The following TULP1 variants were observed in gnomAD, a reference collection of about 807,000 sequenced individuals.
The protein encoded by TULP1 is tubby-related protein 1.
A neutral mutation model predicts 67.1 loss-of-function variants in TULP1; 50 were observed. The ratio of observed to expected loss-of-function variants is 0.75; its 90% CI spans 0.59 to 0.94. The LOEUF (loss-of-function observed/expected upper bound fraction) is 0.94, where lower values mean the gene tolerates loss of function less well. Ranked by LOEUF, TULP1 falls within the 40% of genes least tolerant of loss-of-function variation. The pLI is 0.00. For missense variants in TULP1, 746 were observed against 734.1 expected, an observed-to-expected ratio of 1.02 and a Z score of -0.19; for synonymous variants, 297 against 294.0, an observed-to-expected ratio of 1.01 and a Z score of -0.11.
chr6:35,500,046 A>G lies in TULP1; in HGVS notation c.1430T>C (p.Leu477Pro), dbSNP rs1768799166. 6.2e-7 allele frequency: 1 copy of G among 1,613,970 alleles called. No individual in the cohort carries two copies. Among genetic ancestry groups the G allele is most frequent in the Admixed American group, 1.7e-5 (1 of 59,998 alleles). ...VWNDDSGSYTLNFQGRVTQAS... is the reference protein window; with the variant it reads ...VWNDDSGSYTPNFQGRVTQAS... Reference sequence around the variant, plus strand: ...CTGGGTGACCCGGCCTTGGAAGTTGAGGGTGTAGGAGCCACTGTCATCGTT... The same window carrying G: ...CTGGGTGACCCGGCCTTGGAAGTTGGGGGTGTAGGAGCCACTGTCATCGTT... The change falls in exon 14 of 15, where the codon CTC becomes CCC. Residue 477 changes from leucine (L) to proline (P), a missense_variant. By Grantham distance (98) the Leu-to-Pro change is moderately conservative. This residue lies in a region of TULP1 where 383 missense variants were observed against 374.1 expected (regional missense o/e 1.02). Coordinates refer to ENST00000229771, the MANE Select transcript of TULP1 (RefSeq NM_003322.6).
At chr6:35,506,825 A>G (rs1761097819) in intron 8 of TULP1, among the ~76,000 whole-genome samples, 1 of 152,188 alleles carries the variant, frequency 6.6e-6, no homozygotes, top group South Asian at 2.1e-4. Flanking sequence ...CAGAGCCTTT[A>G]GAAAGACCTT....
intron 11 of TULP1, chr6:35,505,516 G>C (rs1231251770): frequency 1.5e-6 from 2 of 1,311,920 alleles, no homozygotes; most frequent in Admixed American, 4.1e-5. Flanking sequence ...GCATCGCCTG[G>C]GTGCTCATTA....
Position 35,505,770 on chromosome 6 carries a change from T to G in TULP1, c.1083A>C (p.Arg361=). The change falls in exon 11 of 15, where the codon CGA becomes CGC. Residue 361 remains arginine, a synonymous_variant. Transcript: ENST00000229771. ...GCTTCCCGATGAAATTCTCCCCTCC[T>G]CGGGACAGATTGGTAGGGTCGATGG... ...LISIDPTNLS[R]GGENFIGKLR... The G allele has an allele frequency of 6.2e-7, 1 of 1,614,064 alleles. No homozygotes were observed. The highest frequency in any genetic ancestry group is 8.5e-7 in the Non-Finnish European group (1 of 1,180,024).
At chr6:35,506,228 G>A (rs1460396695) in intron 9 of TULP1, 46 bp downstream of exon 9, 3 of 1,608,700 alleles carry the variant, frequency 1.9e-6, no homozygotes, top group Non-Finnish European at 2.5e-6. Flanking sequence ...CCCGCTCCCA[G>A]CAGGTCCCAG....
intron 5 of TULP1, among the ~76,000 whole-genome samples, chr6:35,510,504 T>A (rs1212580161): frequency 6.6e-6 from 1 of 152,218 alleles, no homozygotes; most frequent in Non-Finnish European, 1.5e-5. Flanking sequence ...ATCACAGCAT[T>A]GATTCATTGA....
chr6:35,502,234 C>T lies in TULP1; in HGVS notation c.1323+1325G>A, dbSNP rs141121972. Reference sequence around the variant, plus strand: ...TTTGAGATGGAGTCTAGCTCTGTCACCCAGGCTGGAGTGCAGCAGCGTGAT... The same window carrying T: ...TTTGAGATGGAGTCTAGCTCTGTCATCCAGGCTGGAGTGCAGCAGCGTGAT... On this transcript the variant is annotated intron_variant, in intron 13 of 14. Transcript: ENST00000229771. Among the ~76,000 whole-genome samples the T allele has an allele frequency of 7.3e-3, 1,114 of 152,120 alleles. 13 individuals are homozygous for T. Among genetic ancestry groups the T allele is most frequent in the African/African-American group, 0.025 (1,048 of 41,486 alleles).
At chr6:35,499,403 T>G (rs1768780251) in intron 14 of TULP1, among the ~76,000 whole-genome samples, 1 of 152,224 alleles carries the variant, frequency 6.6e-6, no homozygotes, top group African/African-American at 2.4e-5. Flanking sequence ...GGCAAGTTGC[T>G]TAACCTCTCT....
chr6:35,506,091 G>A lies in TULP1; in HGVS notation c.911C>T (p.Thr304Met), dbSNP rs1171311001. Residue 304 changes from threonine (T) to methionine (M), a missense_variant, in exon 10 of 15, where the codon ACG (threonine) becomes ATG (methionine). Thr to Met is a moderately conservative substitution (Grantham distance 81). Around this residue, in one of 3 missense-constraint regions of TULP1, gnomAD observed 383 missense variants for 374.1 expected, o/e 1.02. Transcript: ENST00000229771. ...FVLRPAPQGR[T>M]VRCRLTRDKK... The stretch of plus-strand genomic sequence containing the variant: ...GTCCCGGGTCAGCCGGCAGCGCACC[G>A]TGCGGCCCTGGGGGGCAGGCCGGAG... 3.1e-6 allele frequency: 5 copies of A among 1,613,506 alleles called. No homozygotes were observed. The highest frequency in any genetic ancestry group is 3.4e-6 in the Non-Finnish European group (4 of 1,180,036).
chr6:35,510,938 A>G lies in TULP1; in HGVS notation c.422T>C (p.Leu141Pro). ...CTCTCTCAGGGGCTTCTTGGGAGGC[A>G]GAAGGATTTTCTCTTTCTTTTCCTC... ...EAEEKKEKIL[L>P]PPKKPLREKS... Residue 141 changes from leucine to proline, a missense_variant, in exon 5 of 15, where the codon CTG becomes CCG. Physicochemically the swap from Leu to Pro is moderately conservative, Grantham distance 98 (BLOSUM62 -3). Transcript: ENST00000229771. The G allele has an allele frequency of 6.2e-7, 1 of 1,613,580 alleles. No homozygotes were observed. Among genetic ancestry groups the G allele is most frequent in the Non-Finnish European group, 8.5e-7 (1 of 1,179,986 alleles).
chr6:35,498,418 G>A lies in TULP1; in HGVS notation c.1538C>T (p.Ala513Val). The A allele has an allele frequency of 5.6e-6, 9 of 1,613,956 alleles. No individual in the cohort carries two copies. The highest frequency in any genetic ancestry group is 6.8e-6 in the Non-Finnish European group (8 of 1,180,030). ...CGGGTACCGGTAGTCTAGGGTGAAG[G>A]CGTCCTCCGCCACGCGGCCGAACTG... Reference protein sequence around the residue: ...VLQFGRVAEDAFTLDYRYPLC... With the variant: ...VLQFGRVAEDVFTLDYRYPLC... Residue 513 changes from alanine (A) to valine (V), a missense_variant, in exon 15 of 15, where the codon GCC (alanine) becomes GTC (valine). Around this residue, in one of 3 missense-constraint regions of TULP1, gnomAD observed 383 missense variants for 374.1 expected, o/e 1.02. Transcript: ENST00000229771. This position sits in a 1 kb window ranked among gnomAD's most constrained non-coding sequence, Gnocchi z 6.7.
In TULP1 at chr6:35,510,692, T is replaced by C. The variant is rs1436902037; in HGVS notation, c.499+169A>G. On this transcript the variant is annotated intron_variant, in intron 5 of 14. Transcript: ENST00000229771. ...AGGGGTGGAGGCATATATTGGTCTA[T>C]GTCCTTAAGGACCATCGTGGGGAGA... 1.1e-5 allele frequency: 17 copies of C among 1,493,320 alleles called. No homozygotes were observed. In the East Asian group the frequency reaches 3.9e-4, roughly 34 times the overall value. 92.5% of individuals were successfully genotyped at this position (1,493,320 alleles called of 1,614,324 possible).
chr6:35,500,295 G>T, intron 13 of TULP1, 143 bp from the exon 14 acceptor site: 1 of 908,138 alleles, frequency 1.1e-6, no homozygotes, highest in Middle Eastern at 3.3e-4. Flanking sequence ...TCTGAGAATA[G>T]GCTTGGCATC....
At chr6:35,499,644 A>C (rs1768785151) in intron 14 of TULP1, among the ~76,000 whole-genome samples, 2 of 152,126 alleles carry the variant, frequency 1.3e-5, no homozygotes, top group Non-Finnish European at 2.9e-5. Context: ...TCTTTGAACA[A>C]AGAGGAGTTG....
In TULP1 at chr6:35,503,920, G is replaced by A; in HGVS notation, c.1113-72C>T. ...CCCTGCCCCAGGCCCCTTCCACACA[G>A]CCAAGCAGTTTAGAGAGCTTCCTAC... is the stretch of plus-strand genomic sequence containing the variant. On this transcript the variant is annotated intron_variant, in intron 11 of 14. Coordinates refer to ENST00000229771, the MANE Select transcript of TULP1 (RefSeq NM_003322.6). The surrounding 1 kb of genome is among the most constrained non-coding windows in gnomAD (Gnocchi z 4.0). 1 of 1,222,616 alleles carries A rather than the reference G, an allele frequency of 8.2e-7. No individual in the cohort carries two copies. Among genetic ancestry groups the A allele is most frequent in the Non-Finnish European group, 1.2e-6 (1 of 860,202 alleles). The allele number at this position is 1,222,616 out of a possible 1,614,324, so 75.7% of individuals were successfully genotyped here.
chr6:35,511,172 G>T (rs1561818003), intron 4 of TULP1, 162 bp from the exon 5 acceptor site: 2 of 1,473,566 alleles, frequency 1.4e-6, no homozygotes, highest in East Asian at 2.3e-5. Context: ...AGAAGAATGA[G>T]GGTGACTGGC....
In TULP1 at chr6:35,512,863, C is replaced by A. The variant is rs757153641; in HGVS notation, c.-5G>T. 2.5e-5 allele frequency: 41 copies of A among 1,612,416 alleles called. No homozygotes were observed. In the Middle Eastern group the frequency reaches 5.6e-4, roughly 22 times the overall value. On this transcript the variant is annotated 5_prime_UTR_variant, in exon 1 of 15. Coordinates refer to ENST00000229771, the MANE Select transcript of TULP1 (RefSeq NM_003322.6). ...GGTTTCATCCCGCAGAGGCATGGTG[C>A]CTTTGCCTATCGCACCCCTTTCTCT...
At chr6:35,510,339 C>T (rs989217055) in intron 5 of TULP1, among the ~76,000 whole-genome samples, 2 of 152,150 alleles carry the variant, frequency 1.3e-5, no homozygotes, top group African/African-American at 2.4e-5. Flanking sequence ...GCCTTCTAAC[C>T]GAGCCTCTGA....
At chr6:35,510,740 C>A in intron 5 of TULP1, 121 bp downstream of exon 5, 4 of 1,595,370 alleles carry the variant, frequency 2.5e-6, no homozygotes, top group Non-Finnish European at 3.4e-6. Context: ...AAAAACCCTC[C>A]GGTCACAGCA....
chr6:35,505,532 G>A (rs1761061996), intron 11 of TULP1: 2 of 1,426,224 alleles, frequency 1.4e-6, no homozygotes, highest in Non-Finnish European at 1.9e-6. Context: ...CATTAAAAAT[G>A]TAGACTCCCG....
Sources: allele counts gnomAD v4.1 joint callset (sites outside exome capture counted in the v4.1 genomes callset), GRCh38; gene constraint gnomAD v4.1.1; regional missense constraint gnomAD v4.1.1; non-coding constraint Gnocchi (gnomAD v3.1); transcripts MANE v1.5; gene names NCBI Gene and HGNC (gene_info 2026-07-23, HGNC 2026-07-21).